The following EXOC4 variants were observed in gnomAD, a reference collection of about 807,000 sequenced individuals.
EXOC4 encodes the protein SEC8-like 1.
EXOC4 carries 71 observed loss-of-function variants against 107.2 expected under a neutral mutation model. The ratio of observed to expected loss-of-function variants is 0.66; its 90% confidence interval spans 0.55 to 0.81. The LOEUF is 0.81. Among genes scored for constraint, EXOC4 ranks in the 30% least tolerant of loss-of-function variants. The probability of loss-of-function intolerance (pLI) is 0.00; values close to 1 mark genes in which losing one functional copy is unlikely to be tolerated. For missense variants in EXOC4, 1,108 were observed against 1,189.6 expected, an observed-to-expected ratio of 0.93 and a Z score of 1.01; for synonymous variants, 456 against 441.2, an observed-to-expected ratio of 1.03 and a Z score of -0.42.
chr7:133,375,794 T>G (rs886890244), intron 7 of EXOC4, among the ~76,000 whole-genome samples: 1 of 152,148 alleles, frequency 6.6e-6, no homozygotes, highest in Non-Finnish European at 1.5e-5. Flanking sequence ...TGTTGAAGAT[T>G]AGAGGAATAA....
chr7:133,725,884 G>A (rs1795204592), intron 10 of EXOC4, among the ~76,000 whole-genome samples: 1 of 152,174 alleles, frequency 6.6e-6, no homozygotes, highest in African/African-American at 2.4e-5. Context: ...GGATTTATTG[G>A]TGGATTGCAT....
At chr7:133,541,645 A>G (rs1299348160) in intron 9 of EXOC4, among the ~76,000 whole-genome samples, 2 of 151,880 alleles carry the variant, frequency 1.3e-5, no homozygotes, top group African/African-American at 4.8e-5. Flanking sequence ...GACTACAGGC[A>G]GGCACCACCA....
At chr7:133,324,553 G>A (rs572945814) in intron 5 of EXOC4, among the ~76,000 whole-genome samples, 3 of 152,270 alleles carry the variant, frequency 2.0e-5, no homozygotes, top group Admixed American at 1.3e-4. Context: ...GTTCTAATTC[G>A]ATTGCACTGT....
intron 10 of EXOC4, among the ~76,000 whole-genome samples, chr7:133,676,981 A>C (rs1027912756): frequency 1.1e-5 from 1 of 87,146 alleles, no homozygotes; most frequent in Non-Finnish European, 2.5e-5. Flanking sequence ...GTGTGTGTTG[A>C]GAACAAAGTG....
intron 17 of EXOC4, among the ~76,000 whole-genome samples, chr7:134,047,786 A>G (rs531965426): frequency 6.6e-6 from 1 of 152,298 alleles, no homozygotes; most frequent in African/African-American, 2.4e-5. Flanking sequence ...ATGAGATCAT[A>G]TTTGTACTCC....
chr7:133,954,297 A>G (rs1270861948), intron 14 of EXOC4, among the ~76,000 whole-genome samples: 1 of 152,238 alleles, frequency 6.6e-6, no homozygotes, highest in Non-Finnish European at 1.5e-5. Flanking sequence ...TGTCAAGGAT[A>G]TTATTTGGAA....
intron 9 of EXOC4, among the ~76,000 whole-genome samples, chr7:133,515,341 A>ACACACG (rs1278008310): frequency 6.6e-6 from 1 of 151,452 alleles, no homozygotes; most frequent in Non-Finnish European, 1.5e-5. Flanking sequence ...ATACACACAC[A>ACACACG]CACACACACA....
intron 10 of EXOC4, among the ~76,000 whole-genome samples, chr7:133,639,559 ACTT>A (rs1299407113): frequency 6.6e-6 from 1 of 152,140 alleles, no homozygotes; most frequent in Non-Finnish European, 1.5e-5. Context: ...GAGAAAGGAA[ACTT>A]CTTTGATTCA....
Position 134,039,285 on chromosome 7 carries a change from T to C in EXOC4, c.2688-25006T>C, listed in dbSNP as rs189654363. On this transcript the variant is annotated intron_variant, in intron 17 of 17. Coordinates refer to ENST00000253861, the MANE Select transcript of EXOC4 (RefSeq NM_021807.4). ...GCATGATAAAGCTTCAGGGAGTGCA[T>C]AATAAACCTTGGAGTGCATGATAAA... Among the ~76,000 whole-genome samples, 3 of 152,212 alleles carry C rather than the reference T, an allele frequency of 2.0e-5. No homozygotes were observed. In the East Asian group the frequency reaches 5.8e-4, roughly 29 times the overall value.
chr7:133,358,825 G>C (rs1191905739), intron 6 of EXOC4, among the ~76,000 whole-genome samples: 1 of 151,698 alleles, frequency 6.6e-6, no homozygotes, highest in Non-Finnish European at 1.5e-5. Context: ...GAATTCACGA[G>C]TGGAAATTAT....
In EXOC4 at chr7:133,275,154, C is replaced by G; in HGVS notation, c.259C>G (p.Arg87Gly). ...CATCACAGAGCGCATCACTAACTCC[C>G]GAAATAAAATAAAGCAGGTATTCCT... ...QSITERITNS[R>G]NKIKQVKENL... The change falls in exon 2 of 18, where the codon CGA becomes GGA. Residue 87 changes from arginine to glycine, a missense_variant. By Grantham distance (125) the Arg-to-Gly change is moderately radical (BLOSUM62 -2). Coordinates refer to ENST00000253861, the MANE Select transcript of EXOC4 (RefSeq NM_021807.4). 6.3e-7 allele frequency: 1 copy of G among 1,596,196 alleles called. No individual in the cohort carries two copies. Among genetic ancestry groups the G allele is most frequent in the Non-Finnish European group, 8.5e-7 (1 of 1,169,990 alleles).
chr7:133,411,900 T>G (rs17595753), intron 7 of EXOC4, among the ~76,000 whole-genome samples: 2,239 of 152,264 alleles, frequency 0.015, 21 homozygotes, highest in Middle Eastern at 0.031. Context: ...GCAGTGTTGT[T>G]TATACTGAAA....
chr7:133,864,201 A>G (rs1012364717), intron 11 of EXOC4, among the ~76,000 whole-genome samples: 2 of 152,172 alleles, frequency 1.3e-5, no homozygotes, highest in Non-Finnish European at 2.9e-5. Context: ...GTATGTGGAA[A>G]TTGATGTTAA....
At chr7:133,903,401 C>T (rs1389316925) in intron 12 of EXOC4, among the ~76,000 whole-genome samples, 2 of 152,192 alleles carry the variant, frequency 1.3e-5, no homozygotes, top group African/African-American at 4.8e-5. Context: ...ACTCTTTGCA[C>T]TGTTGGTAGC....
intron 7 of EXOC4, among the ~76,000 whole-genome samples, chr7:133,384,331 T>C (rs1197877435): frequency 6.6e-6 from 1 of 152,194 alleles, no homozygotes; most frequent in African/African-American, 2.4e-5. Flanking sequence ...CGTCTTGGCC[T>C]AGAGAACACA....
At chr7:133,355,432 C>G (rs560004573) in intron 5 of EXOC4, among the ~76,000 whole-genome samples, 1 of 151,854 alleles carries the variant, frequency 6.6e-6, no homozygotes, top group Non-Finnish European at 1.5e-5. Context: ...TTGGCAGTTG[C>G]GAAACCCGGA....
chr7:134,081,121 T>G, the EXOC4 span, among the ~76,000 whole-genome samples: 4 of 152,190 alleles, frequency 2.6e-5, no homozygotes, highest in East Asian at 7.7e-4. Flanking sequence ...GGCAGGTGAA[T>G]CACCTGAGCT....
intron 2 of EXOC4, among the ~76,000 whole-genome samples, chr7:133,278,203 GAAC>G (rs1383269865): frequency 1.3e-5 from 2 of 152,280 alleles, no homozygotes; most frequent in Non-Finnish European, 2.9e-5. Context: ...AGATAACGTT[GAAC>G]AACATTTATG....
At chr7:133,394,921 A>C (rs985724838) in intron 7 of EXOC4, among the ~76,000 whole-genome samples, 1 of 151,358 alleles carries the variant, frequency 6.6e-6, no homozygotes, top group Non-Finnish European at 1.5e-5. Flanking sequence ...AAAAGAAAAA[A>C]AAAGGGAAAA....
Sources: allele counts gnomAD v4.1 joint callset (sites outside exome capture counted in the v4.1 genomes callset), GRCh38; gene constraint gnomAD v4.1.1; transcripts MANE v1.5; gene names NCBI Gene and HGNC (gene_info 2026-07-23, HGNC 2026-07-21).